PARM1: variants seen among roughly 807,000 people sequenced by gnomAD.
PARM1 encodes the protein WSC4, cell wall integrity and stress response component 4 homolog.
A neutral mutation model predicts 24.6 loss-of-function variants in PARM1; 14 were observed. That is an observed-to-expected ratio of 0.57 (90% confidence interval 0.38 to 0.89). PARM1 has a LOEUF of 0.89. Among genes scored for constraint, PARM1 ranks in the 40% least tolerant of loss-of-function variants. The pLI, the probability that PARM1 is intolerant of heterozygous loss-of-function variation, is 0.00. For missense variants in PARM1, 362 were observed against 380.4 expected (o/e 0.95, Z 0.40); for synonymous variants, 179 against 156.6 (o/e 1.14, Z -1.07).
chr4:75,017,122 C>T (rs1025170836), intron 2 of PARM1, among the ~76,000 whole-genome samples: 15 of 152,216 alleles, frequency 9.9e-5, no homozygotes, highest in Admixed American at 2.6e-4. Flanking sequence ...GATCGCCTCC[C>T]GTCCCTCTGT....
chr4:74,986,648 G>A (rs1435836491), intron 1 of PARM1, among the ~76,000 whole-genome samples: 1 of 152,216 alleles, frequency 6.6e-6, no homozygotes, highest in African/African-American at 2.4e-5. Context: ...TCCAACACAA[G>A]GGGGTGGAAA....
chr4:74,954,777 G>A (rs1721600154), intron 1 of PARM1, among the ~76,000 whole-genome samples: 3 of 152,164 alleles, frequency 2.0e-5, no homozygotes, highest in African/African-American at 7.2e-5. Context: ...GCTCCTAAAT[G>A]TAGAAATTAT....
intron 1 of PARM1, among the ~76,000 whole-genome samples, chr4:75,002,366 G>A (rs1560788651): frequency 6.6e-6 from 1 of 152,144 alleles, no homozygotes; most frequent in Admixed American, 6.5e-5. Flanking sequence ...GTGGGTAGAA[G>A]GGTATGCCAC....
rs1450079174 is a variant in PARM1 at position 75,049,360 on chromosome 4, C to A, written c.*3113C>A. The A allele has an allele frequency of 1.3e-5, 2 of 151,934 alleles. No individual in the cohort carries two copies. The highest frequency in any genetic ancestry group is 3.9e-4 in the East Asian group (2 of 5,192). 9.4% of individuals were successfully genotyped at this position (151,934 alleles called of 1,614,324 possible). A position where few individuals can be genotyped will look rare whatever the true frequency, so the allele number is the denominator to read the frequency against. On this transcript the variant is annotated 3_prime_UTR_variant, in exon 4 of 4. Transcript: ENST00000307428. ...GTTTCTGGAGAAAAATACTTATAGA[C>A]AGTTTAACTATTACATAGATATATA...
chr4:75,007,957 C>G (rs1722803850), intron 1 of PARM1, among the ~76,000 whole-genome samples: 1 of 152,216 alleles, frequency 6.6e-6, no homozygotes, highest in African/African-American at 2.4e-5. Context: ...TCTTGAGCTT[C>G]CTAGCCTTTA....
intron 1 of PARM1, among the ~76,000 whole-genome samples, chr4:74,959,795 T>C (rs1266319759): frequency 2.6e-5 from 4 of 152,146 alleles, no homozygotes; most frequent in Admixed American, 6.6e-5. Context: ...ATTAAGAAAA[T>C]AGGATGATCA....
intron 1 of PARM1, among the ~76,000 whole-genome samples, chr4:74,986,195 T>C (rs1437473132): frequency 6.6e-6 from 1 of 152,226 alleles, no homozygotes; most frequent in Non-Finnish European, 1.5e-5. Flanking sequence ...TAGTAAAAGC[T>C]TGCTAAAATC....
At chr4:75,020,053 G>T (rs1234004637) in intron 2 of PARM1, among the ~76,000 whole-genome samples, 2 of 143,914 alleles carry the variant, frequency 1.4e-5, no homozygotes, top group African/African-American at 5.1e-5. Flanking sequence ...TTTCAGAAGC[G>T]AAAAATGTAT....
chr4:74,977,216 A>G, intron 1 of PARM1, among the ~76,000 whole-genome samples: 1 of 152,234 alleles, frequency 6.6e-6, no homozygotes, highest in Non-Finnish European at 1.5e-5. Flanking sequence ...ATCATGATAA[A>G]ACATTATGGG....
At chr4:75,019,647 A>C (rs1306585635) in intron 2 of PARM1, among the ~76,000 whole-genome samples, 1 of 152,202 alleles carries the variant, frequency 6.6e-6, no homozygotes, top group Non-Finnish European at 1.5e-5. Flanking sequence ...ACACCCATAA[A>C]CCTTAGATTT....
At chr4:75,025,742 C>T (rs915055069) in intron 2 of PARM1, among the ~76,000 whole-genome samples, 2 of 152,210 alleles carry the variant, frequency 1.3e-5, no homozygotes, top group African/African-American at 2.4e-5. Context: ...ATTAATATTT[C>T]TAGCATACAT....
chr4:75,028,060 A>G (rs1723214723), intron 2 of PARM1, among the ~76,000 whole-genome samples: 1 of 152,214 alleles, frequency 6.6e-6, no homozygotes, highest in Admixed American at 6.5e-5. Flanking sequence ...CAACTGTAAA[A>G]TGGAGATAAC....
intron 3 of PARM1, among the ~76,000 whole-genome samples, chr4:75,040,851 C>T (rs1005428360): frequency 9.8e-5 from 15 of 152,290 alleles, no homozygotes; most frequent in Admixed American, 7.8e-4. Context: ...GTACTTGCTG[C>T]TCCCTCTGTC....
chr4:75,013,276 A>C, intron 2 of PARM1, 126 bp downstream of exon 2: 1 of 1,036,994 alleles, frequency 9.6e-7, no homozygotes, highest in Non-Finnish European at 1.4e-6. Context: ...ATTATAATTC[A>C]CAAGAATTTC....
chr4:74,978,147 C>T (rs1456720393), intron 1 of PARM1, among the ~76,000 whole-genome samples: 2 of 152,064 alleles, frequency 1.3e-5, no homozygotes, highest in African/African-American at 4.8e-5. Flanking sequence ...GGGCTAAATG[C>T]CCCCAATTAA....
At chr4:75,011,120 C>T (rs879494753) in intron 1 of PARM1, among the ~76,000 whole-genome samples, 3 of 152,162 alleles carry the variant, frequency 2.0e-5, no homozygotes, top group Non-Finnish European at 4.4e-5. Flanking sequence ...CAGCATCAAA[C>T]CATGAGGGAT....
At chr4:74,948,653 C>A (rs964976379) in intron 1 of PARM1, among the ~76,000 whole-genome samples, 2 of 152,162 alleles carry the variant, frequency 1.3e-5, no homozygotes, top group African/African-American at 4.8e-5. Context: ...ACAGAGGAAA[C>A]ACAGGAGAGA....
intron 1 of PARM1, among the ~76,000 whole-genome samples, chr4:74,972,695 A>G (rs1722061828): frequency 7.0e-6 from 1 of 142,670 alleles, no homozygotes; most frequent in Non-Finnish European, 1.5e-5. Context: ...GTACTTCATG[A>G]TTTCTTTTTC....
chr4:74,999,909 C>CT (rs1319015197), intron 1 of PARM1, among the ~76,000 whole-genome samples: 1 of 151,908 alleles, frequency 6.6e-6, no homozygotes, highest in Non-Finnish European at 1.5e-5. Flanking sequence ...AGTTTCTGGA[C>CT]TTTTTTTTAA....
Sources: gnomAD v4.1 joint callset for allele counts (sites outside exome capture counted in the v4.1 genomes callset) on GRCh38, gnomAD v4.1.1 for gene constraint, MANE v1.5 for transcripts, NCBI Gene and HGNC (gene_info 2026-07-23, HGNC 2026-07-21) for gene names.